Variants in PTPRM observed in about 807,000 individuals in gnomAD.
The protein encoded by PTPRM is receptor-type tyrosine-protein phosphatase mu.
PTPRM carries 47 observed loss-of-function variants against 186.7 expected under a neutral mutation model. The ratio of observed to expected loss-of-function variants is 0.25; its 90% CI spans 0.20 to 0.32. The LOEUF (loss-of-function observed/expected upper bound fraction) is 0.32, where lower values mean the gene tolerates loss of function less well. Ranked by LOEUF, PTPRM falls within the 10% of genes least tolerant of loss-of-function variation. The probability of loss-of-function intolerance (pLI) is 1.00; values close to 1 mark genes in which losing one functional copy is unlikely to be tolerated. For missense variants in PTPRM, 1,494 were observed against 1,865.0 expected (o/e 0.80, Z 3.66); for synonymous variants, 668 against 674.9 (o/e 0.99, Z 0.16).
At chr18:7,944,034 T>C (rs1040767951) in intron 5 of PTPRM, among the ~76,000 whole-genome samples, 1 of 152,186 alleles carries the variant, frequency 6.6e-6, no homozygotes, top group Non-Finnish European at 1.5e-5. Flanking sequence ...TCTTTTACTT[T>C]CCCTGTTCGT....
chr18:7,834,992 C>CTTTTTTTTTTTTTTTTTTTTTTTTTTTG (rs57839485), intron 2 of PTPRM, among the ~76,000 whole-genome samples: 1 of 85,268 alleles, frequency 1.2e-5, no homozygotes, highest in Non-Finnish European at 2.3e-5. Flanking sequence ...TTATTTGGAT[C>CTTTTTTTTTTTTTTTTTTTTTTTTTTTG]TTTTTTTTTT....
At chr18:8,049,721 T>TC (rs1357162116) in intron 7 of PTPRM, among the ~76,000 whole-genome samples, 1 of 151,278 alleles carries the variant, frequency 6.6e-6, no homozygotes, top group Non-Finnish European at 1.5e-5. Flanking sequence ...TTTTTTTTTT[T>TC]TCTTTTTTGA....
At chr18:8,174,565 GAGGATTATTGAGCTC>G (rs1190351483) in intron 14 of PTPRM, among the ~76,000 whole-genome samples, 3 of 152,196 alleles carry the variant, frequency 2.0e-5, no homozygotes, top group African/African-American at 7.2e-5. Flanking sequence ...ACCAAGTGTG[GAGGATTATTGAGCTC>G]AGAAATAGTC....
At chr18:8,116,703 A>G (rs1236616426) in intron 13 of PTPRM, among the ~76,000 whole-genome samples, 6 of 152,226 alleles carry the variant, frequency 3.9e-5, no homozygotes, top group East Asian at 3.9e-4. Flanking sequence ...GAAACCTGAC[A>G]AGTTTGCTGT....
intron 7 of PTPRM, among the ~76,000 whole-genome samples, chr18:7,992,233 G>T (rs1280745071): frequency 6.6e-6 from 1 of 151,986 alleles, no homozygotes; most frequent in Non-Finnish European, 1.5e-5. Flanking sequence ...AAGATATTTT[G>T]ACTACAAAAG....
intron 1 of PTPRM, among the ~76,000 whole-genome samples, chr18:7,737,935 A>G (rs2040806443): frequency 6.6e-6 from 1 of 152,166 alleles, no homozygotes; most frequent in South Asian, 2.1e-4. Flanking sequence ...CCCTTTGATT[A>G]ATGAATATAA....
intron 14 of PTPRM, among the ~76,000 whole-genome samples, chr18:8,177,275 T>C (rs9953325): frequency 0.033 from 4,958 of 152,340 alleles, 252 homozygotes; most frequent in African/African-American, 0.11. Context: ...ACCTCTTTGT[T>C]TATTCATTCA....
At chr18:7,870,238 G>A (rs1475207191) in intron 2 of PTPRM, among the ~76,000 whole-genome samples, 1 of 152,122 alleles carries the variant, frequency 6.6e-6, no homozygotes, top group East Asian at 1.9e-4. Flanking sequence ...AAACATAAAT[G>A]TTTTTCTGCA....
chr18:8,112,513 C>G (rs974036614), intron 11 of PTPRM, among the ~76,000 whole-genome samples: 1 of 152,210 alleles, frequency 6.6e-6, no homozygotes, highest in Non-Finnish European at 1.5e-5. Context: ...AGAAAAAGAT[C>G]CCTCTTCCTG....
chr18:8,205,773 G>C (rs907244158), intron 14 of PTPRM, among the ~76,000 whole-genome samples: 1 of 151,982 alleles, frequency 6.6e-6, no homozygotes, highest in African/African-American at 2.4e-5. Context: ...ATCTTATCTA[G>C]TTGCATAATG....
chr18:8,143,563 A>C (rs980320645), intron 13 of PTPRM, 84 bp from the exon 14 acceptor site: 9 of 1,438,324 alleles, frequency 6.3e-6, no homozygotes, highest in African/African-American at 2.8e-5. Context: ...TTACTCTGTT[A>C]AATGCAGCGA....
intron 1 of PTPRM, among the ~76,000 whole-genome samples, chr18:7,667,352 C>A (rs755278767): frequency 3.3e-5 from 5 of 152,172 alleles, no homozygotes; most frequent in Admixed American, 6.5e-5. Context: ...CATTACACAG[C>A]AGCTTCTTAT....
At position 7,578,593 on chromosome 18, in the gene PTPRM, C is replaced by T. The variant is rs1164092598; in HGVS notation, c.73+10702C>T. On this transcript the variant is annotated intron_variant, in intron 1 of 32. Transcript: ENST00000580170. ...CTCGTGATCCGCCCACCTTGGCCTC[C>T]CAAAGTGCTGGGATTACAGGCGTGA... Among the ~76,000 whole-genome samples, 9 of 152,124 alleles carry T rather than the reference C, an allele frequency of 5.9e-5. No individual in the cohort carries two copies. The East Asian group carries it at 1.4e-3, about 23-fold the overall frequency.
intron 4 of PTPRM, among the ~76,000 whole-genome samples, chr18:7,925,662 C>T (rs2051130480): frequency 6.6e-6 from 1 of 152,044 alleles, no homozygotes; most frequent in South Asian, 2.1e-4. Flanking sequence ...TATGATCATC[C>T]CCTTTGCTTC....
At chr18:8,286,246 A>G (rs775464821) in intron 19 of PTPRM, among the ~76,000 whole-genome samples, 2 of 152,180 alleles carry the variant, frequency 1.3e-5, no homozygotes, top group Admixed American at 1.3e-4. Context: ...TTCAAATCAC[A>G]TTAGTGAAAT....
chr18:8,265,567 AC>A (rs112879119), intron 19 of PTPRM, among the ~76,000 whole-genome samples: 9,659 of 152,322 alleles, frequency 0.063, 329 homozygotes, highest in South Asian at 0.095. Flanking sequence ...ATGGAATGAT[AC>A]AAAATAACTG....
At chr18:8,178,742 G>A (rs897879249) in intron 14 of PTPRM, among the ~76,000 whole-genome samples, 1 of 152,020 alleles carries the variant, frequency 6.6e-6, no homozygotes, top group South Asian at 2.1e-4. Flanking sequence ...AGCCAAGATC[G>A]CATCACTGCC....
chr18:7,976,512 C>G lies in PTPRM; in HGVS notation c.1132+21098C>G, dbSNP rs142473239. ...GTGTTGATAATGTGGGAGGCTACGC[C>G]TAGGCTTGAGGGCAGGGGATTGTGG... is the stretch of plus-strand genomic sequence containing the variant. On this transcript the variant is annotated intron_variant, in intron 7 of 32. Transcript: ENST00000580170. Among the ~76,000 whole-genome samples the G allele has an allele frequency of 5.0e-3, 755 of 152,290 alleles. 7 individuals are homozygous for G. Among genetic ancestry groups the G allele is most frequent in the African/African-American group, 0.017 (715 of 41,548 alleles).
intron 5 of PTPRM, among the ~76,000 whole-genome samples, chr18:7,931,986 C>T (rs1008860298): frequency 6.6e-6 from 1 of 152,202 alleles, no homozygotes; most frequent in Non-Finnish European, 1.5e-5. Flanking sequence ...TTTCTCTTCC[C>T]CTGCCTGGGG....
Sources: gnomAD v4.1 joint callset for allele counts (sites outside exome capture counted in the v4.1 genomes callset) on GRCh38, gnomAD v4.1.1 for gene constraint, MANE v1.5 for transcripts, NCBI Gene and HGNC (gene_info 2026-07-23, HGNC 2026-07-21) for gene names.